The following TMEM260 variants were observed in gnomAD, a reference collection of about 807,000 sequenced individuals.
The protein encoded by TMEM260 is protein O-mannosyl-transferase TMEM260.
TMEM260 carries 82 observed loss-of-function variants against 88.9 expected under a neutral mutation model. The ratio of observed to expected loss-of-function variants is 0.92; its 90% CI spans 0.77 to 1.11. The LOEUF (loss-of-function observed/expected upper bound fraction) is 1.11. Ranked by LOEUF, TMEM260 falls within the 50% of genes least tolerant of loss-of-function variation. The probability of loss-of-function intolerance (pLI) is 0.00; values close to 1 mark genes in which losing one functional copy is unlikely to be tolerated. For missense variants in TMEM260, 902 were observed against 853.4 expected (o/e 1.06, Z -0.71); for synonymous variants, 314 against 309.3 (o/e 1.02, Z -0.16).
chr14:56,660,019 G>C, the TMEM260 span, among the ~76,000 whole-genome samples: 2 of 152,106 alleles, frequency 1.3e-5, no homozygotes, highest in Non-Finnish European at 2.9e-5. Context: ...AAATGATTTG[G>C]CTGGATGGAA....
intron 12 of TMEM260, among the ~76,000 whole-genome samples, chr14:56,632,578 T>C (rs1223142016): frequency 2.0e-5 from 3 of 151,918 alleles, no homozygotes; most frequent in Non-Finnish European, 4.4e-5. Flanking sequence ...TTGGAGCTTT[T>C]TTTATCCTTA....
rs1002134549 is a variant in TMEM260 at position 56,647,988 on chromosome 14, T to TTACA, written c.*494_*497dup. On this transcript the variant is annotated 3_prime_UTR_variant, in exon 16 of 16. Transcript: ENST00000261556. ...ATTTTTTACAAAGTAGCTATAGTTG[T>TTACA]TACATAGTCTTACACTTCAAGCTAA... 8.4e-5 allele frequency: 13 copies of TTACA among 154,388 alleles called. No homozygotes were observed. The highest frequency in any genetic ancestry group is 3.1e-4 in the African/African-American group (13 of 41,438). 9.6% of individuals were successfully genotyped at this position (154,388 alleles called of 1,614,324 possible). A position where few individuals can be genotyped will look rare whatever the true frequency, so the allele number is the denominator to read the frequency against.
chr14:56,657,528 A>G, the TMEM260 span, among the ~76,000 whole-genome samples: 4 of 152,180 alleles, frequency 2.6e-5, no homozygotes, highest in Admixed American at 1.3e-4. Flanking sequence ...TCAGAGGGGA[A>G]CCAGACAAGG....
chr14:56,624,859 A>G (rs1177588774), intron 11 of TMEM260, among the ~76,000 whole-genome samples: 1 of 134,654 alleles, frequency 7.4e-6, no homozygotes, highest in African/African-American at 2.7e-5. Flanking sequence ...TGTGAAGGAC[A>G]GTATTTCCAC....
At chr14:56,595,440 G>A (rs1886146310) in intron 3 of TMEM260, among the ~76,000 whole-genome samples, 1 of 152,166 alleles carries the variant, frequency 6.6e-6, no homozygotes, top group Non-Finnish European at 1.5e-5. Flanking sequence ...ACAAATCAAT[G>A]TGTGAAAGGC....
intron 12 of TMEM260, among the ~76,000 whole-genome samples, chr14:56,626,116 G>C (rs989036453): frequency 6.6e-6 from 1 of 152,160 alleles, no homozygotes; most frequent in East Asian, 1.9e-4. Context: ...AAGTGCTTGA[G>C]ATTGTCCAGA....
the TMEM260 span, among the ~76,000 whole-genome samples, chr14:56,661,002 T>C: frequency 1.2e-4 from 19 of 152,232 alleles, no homozygotes; most frequent in Non-Finnish European, 1.3e-4. Flanking sequence ...ATAGGCACTC[T>C]GGTTTGCAGC....
chr14:56,619,024 C>G (rs1887753404), intron 10 of TMEM260, among the ~76,000 whole-genome samples: 1 of 152,106 alleles, frequency 6.6e-6, no homozygotes, highest in African/African-American at 2.4e-5. Flanking sequence ...CTTAAGAACC[C>G]AAGAGATACT....
chr14:56,652,611 A>C (rs180914481), downstream of TMEM260, among the ~76,000 whole-genome samples: 1 of 152,314 alleles, frequency 6.6e-6, no homozygotes, highest in East Asian at 1.9e-4. Context: ...TTATCAAAAA[A>C]CTAGGGTTCC....
At chr14:56,639,510 T>A (rs1175055774) in intron 15 of TMEM260, among the ~76,000 whole-genome samples, 1 of 152,118 alleles carries the variant, frequency 6.6e-6, no homozygotes, top group Non-Finnish European at 1.5e-5. Flanking sequence ...ATATGTAGTA[T>A]AGGAGGTGGA....
At chr14:56,643,365 C>T (rs1889737488) in intron 15 of TMEM260, among the ~76,000 whole-genome samples, 1 of 152,206 alleles carries the variant, frequency 6.6e-6, no homozygotes, top group African/African-American at 2.4e-5. Context: ...ATACGCAAAT[C>T]AATCAATGTA....
chr14:56,604,549 A>C (rs756918293), intron 4 of TMEM260, among the ~76,000 whole-genome samples: 1 of 152,332 alleles, frequency 6.6e-6, no homozygotes, highest in East Asian at 1.9e-4. Flanking sequence ...GGAAATGCCA[A>C]ATCATCTTAG....
At chr14:56,660,717 C>G in the TMEM260 span, among the ~76,000 whole-genome samples, 82 of 152,266 alleles carry the variant, frequency 5.4e-4, no homozygotes, top group African/African-American at 1.5e-3. Flanking sequence ...GCATGAGGCA[C>G]AGAATTGCTA....
In TMEM260 at chr14:56,607,154, A is replaced by G. The variant is rs79344208; in HGVS notation, c.636+1471A>G. On this transcript the variant is annotated intron_variant, in intron 5 of 15. Coordinates refer to ENST00000261556, the MANE Select transcript of TMEM260 (RefSeq NM_017799.4). ...TAACTCAGTGAAGCTTTTCTATGGA[A>G]TACGAGAAAGAGGCCCAGATATTTC... Among the ~76,000 whole-genome samples the G allele has an allele frequency of 9.0e-3, 1,370 of 152,326 alleles. 18 individuals are homozygous for G. The highest frequency in any genetic ancestry group is 0.031 in the African/African-American group (1,286 of 41,574).
intron 15 of TMEM260, among the ~76,000 whole-genome samples, chr14:56,644,915 A>G (rs1356637597): frequency 5.9e-5 from 9 of 152,236 alleles, no homozygotes; most frequent in Non-Finnish European, 1.2e-4. Flanking sequence ...ACTGGCCATC[A>G]GAGAAATGCA....
chr14:56,597,935 A>G (rs998066280), intron 3 of TMEM260, among the ~76,000 whole-genome samples: 8 of 152,168 alleles, frequency 5.3e-5, no homozygotes, highest in African/African-American at 1.9e-4. Flanking sequence ...CATTTTTAGA[A>G]AAGAGAATGA....
At chr14:56,603,636 A>G (rs1203591788) in intron 3 of TMEM260, among the ~76,000 whole-genome samples, 179 bp from the exon 4 acceptor site, 1 of 152,214 alleles carries the variant, frequency 6.6e-6, no homozygotes, top group Non-Finnish European at 1.5e-5. Context: ...TTAACATATG[A>G]ACTTCCTAAT....
intron 13 of TMEM260, 92 bp downstream of exon 13, chr14:56,633,263 T>A (rs1888762671): frequency 2.8e-6 from 3 of 1,065,654 alleles, no homozygotes; most frequent in South Asian, 3.5e-5. Context: ...TTCTAATTTT[T>A]TTTTTTATTA....
downstream of TMEM260, among the ~76,000 whole-genome samples, chr14:56,653,735 C>CCAAAACAAAAAAAAAA (rs1890246619): frequency 9.1e-5 from 1 of 11,012 alleles, no homozygotes; most frequent in African/African-American, 3.6e-4. Context: ...ACTCTTGTCT[C>CCAAAACAAAAAAAAAA]CAAAACAAAA....
Sources: gnomAD v4.1 joint callset for allele counts (sites outside exome capture counted in the v4.1 genomes callset) on GRCh38, gnomAD v4.1.1 for gene constraint, MANE v1.5 for transcripts, NCBI Gene and HGNC (gene_info 2026-07-23, HGNC 2026-07-21) for gene names.